NLGN1: variants seen among roughly 807,000 people sequenced by gnomAD.
NLGN1 encodes the protein neuroligin-1.
NLGN1 carries 12 observed loss-of-function variants against 65.5 expected under a neutral mutation model. The observed-to-expected ratio is 0.18, with a 90% CI of 0.12 to 0.30. The LOEUF (loss-of-function observed/expected upper bound fraction) is 0.30, where lower values mean the gene tolerates loss of function less well. Among genes scored for constraint, NLGN1 ranks in the 10% least tolerant of loss-of-function variants. The pLI, the probability that NLGN1 is intolerant of heterozygous loss-of-function variation, is 1.00. For missense variants in NLGN1, 750 were observed against 1,007.1 expected (o/e 0.74, Z 3.46); for synonymous variants, 350 against 359.5 (o/e 0.97, Z 0.30).
At chr3:173,453,506 T>C (rs1721992881) in intron 2 of NLGN1, among the ~76,000 whole-genome samples, 1 of 152,198 alleles carries the variant, frequency 6.6e-6, no homozygotes, top group Non-Finnish European at 1.5e-5. Flanking sequence ...TAGAACTTCT[T>C]TCAAAATTGG....
At chr3:173,773,437 C>A (rs1779867778) in intron 3 of NLGN1, among the ~76,000 whole-genome samples, 1 of 152,110 alleles carries the variant, frequency 6.6e-6, no homozygotes, top group Admixed American at 6.6e-5. Context: ...AGCAGTTTCA[C>A]CTTGGAATTG....
At chr3:173,435,524 A>G (rs914028022) in intron 2 of NLGN1, among the ~76,000 whole-genome samples, 2 of 152,172 alleles carry the variant, frequency 1.3e-5, no homozygotes, top group African/African-American at 4.8e-5. Context: ...AATCACTTCA[A>G]TAAAGTCATT....
intron 4 of NLGN1, among the ~76,000 whole-genome samples, chr3:173,942,562 G>A (rs1007830511): frequency 5.3e-5 from 8 of 152,122 alleles, no homozygotes; most frequent in African/African-American, 9.7e-5. Flanking sequence ...CATAGTTCAA[G>A]GTTTAGTTTC....
intron 4 of NLGN1, among the ~76,000 whole-genome samples, chr3:173,831,982 T>C (rs1156487597): frequency 3.2e-5 from 4 of 125,080 alleles, no homozygotes; most frequent in Non-Finnish European, 7.0e-5. Context: ...TTTTGACATA[T>C]AGTCTTACTT....
chr3:173,743,372 C>CAGCA (rs1334967376), intron 3 of NLGN1, among the ~76,000 whole-genome samples: 1 of 152,024 alleles, frequency 6.6e-6, no homozygotes, highest in East Asian at 1.9e-4. Flanking sequence ...GACTAAGCAC[C>CAGCA]AGCAGCTCAA....
chr3:174,080,188 C>A (rs946518243), intron 4 of NLGN1, among the ~76,000 whole-genome samples: 1 of 152,090 alleles, frequency 6.6e-6, no homozygotes, highest in African/African-American at 2.4e-5. Context: ...ATACCCAATG[C>A]GATGGAAATG....
chr3:173,827,593 C>A (rs1332689399), intron 4 of NLGN1, among the ~76,000 whole-genome samples: 2 of 151,216 alleles, frequency 1.3e-5, no homozygotes, highest in Non-Finnish European at 1.5e-5. Flanking sequence ...CACCTTAAGA[C>A]CCTCATCTTA....
At chr3:174,006,921 A>C (rs911672835) in intron 4 of NLGN1, among the ~76,000 whole-genome samples, 1 of 152,212 alleles carries the variant, frequency 6.6e-6, no homozygotes, top group Non-Finnish European at 1.5e-5. Flanking sequence ...TACAAAAATT[A>C]GCTGAGGGTG....
intron 4 of NLGN1, among the ~76,000 whole-genome samples, chr3:174,184,504 T>C (rs1731039980): frequency 6.6e-6 from 1 of 152,214 alleles, no homozygotes; most frequent in Non-Finnish European, 1.5e-5. Context: ...TCCATATTTT[T>C]AATCCCCAGA....
intron 4 of NLGN1, among the ~76,000 whole-genome samples, chr3:174,085,037 A>C (rs187824933): frequency 6.5e-4 from 99 of 152,144 alleles, no homozygotes; most frequent in Middle Eastern, 3.4e-3. Context: ...TCTCATATTT[A>C]AAATATATTT....
intron 3 of NLGN1, among the ~76,000 whole-genome samples, chr3:173,686,131 A>G (rs538045738): frequency 3.9e-5 from 6 of 152,316 alleles, no homozygotes; most frequent in African/African-American, 1.4e-4. Context: ...ACAGTACACA[A>G]TTGATTTTTC....
intron 2 of NLGN1, among the ~76,000 whole-genome samples, chr3:173,521,006 G>C (rs1734670347): frequency 6.6e-6 from 1 of 152,172 alleles, no homozygotes; most frequent in African/African-American, 2.4e-5. Context: ...GTGTGTGCAA[G>C]AGTCTAAGGA....
At chr3:173,537,508 T>G (rs200614951) in intron 2 of NLGN1, among the ~76,000 whole-genome samples, 53 of 108,548 alleles carry the variant, frequency 4.9e-4, no homozygotes, top group African/African-American at 1.6e-3. Context: ...GTGTGTGTGT[T>G]TGTGTGTGTG....
intron 4 of NLGN1, among the ~76,000 whole-genome samples, chr3:173,862,505 CAAAAAAAA>C (rs10601211): frequency 9.6e-5 from 4 of 41,708 alleles, no homozygotes; most frequent in African/African-American, 2.8e-4. Flanking sequence ...GACTCCGTCT[CAAAAAAAA>C]AAAAAAAAAA....
chr3:173,489,070 C>A (rs114508948), intron 2 of NLGN1, among the ~76,000 whole-genome samples: 1 of 151,102 alleles, frequency 6.6e-6, no homozygotes, highest in African/African-American at 2.4e-5. Flanking sequence ...TCTTTTTCTG[C>A]TTACTTTTTT....
chr3:173,735,352 T>G (rs1374758105), intron 3 of NLGN1, among the ~76,000 whole-genome samples: 1 of 152,118 alleles, frequency 6.6e-6, no homozygotes, highest in Non-Finnish European at 1.5e-5. Context: ...ACACTTTTAT[T>G]TTTTCCCAGT....
chr3:173,427,143 A>T (rs919675684), intron 1 of NLGN1, among the ~76,000 whole-genome samples: 3 of 151,736 alleles, frequency 2.0e-5, no homozygotes, highest in African/African-American at 7.3e-5. Context: ...ATAATCCTTT[A>T]TATTTCTGTG....
intron 2 of NLGN1, among the ~76,000 whole-genome samples, chr3:173,490,687 T>TC (rs1728975741): frequency 6.6e-6 from 1 of 152,188 alleles, no homozygotes. Context: ...CCTTGGGCAG[T>TC]ATGGCGATTT....
At chr3:174,120,556 G>A (rs1292603117) in intron 4 of NLGN1, among the ~76,000 whole-genome samples, 1 of 151,928 alleles carries the variant, frequency 6.6e-6, no homozygotes, top group African/African-American at 2.4e-5. Context: ...GTTCCACCTG[G>A]TCATCTCATA....
Sources: gnomAD v4.1 joint callset for allele counts (sites outside exome capture counted in the v4.1 genomes callset) on GRCh38, gnomAD v4.1.1 for gene constraint, MANE v1.5 for transcripts, NCBI Gene and HGNC (gene_info 2026-07-23, HGNC 2026-07-21) for gene names.